Variants in LPIN3 observed in about 807,000 individuals in gnomAD.
LPIN3 encodes the protein lipin 3.
A neutral mutation model predicts 94.7 loss-of-function variants in LPIN3; 82 were observed. The ratio of observed to expected loss-of-function variants is 0.87; its 90% CI spans 0.72 to 1.04. The LOEUF is 1.04. Ranked by LOEUF, LPIN3 falls within the 50% of genes least tolerant of loss-of-function variation. The pLI is 0.00. For missense variants in LPIN3, 996 were observed against 1,090.5 expected (o/e 0.91, Z 1.22); for synonymous variants, 418 against 443.3 (o/e 0.94, Z 0.72).
chr20:41,358,669 G>A (rs2046303347), intron 19 of LPIN3, 53 bp from the exon 20 acceptor site: 1 of 1,607,366 alleles, frequency 6.2e-7, no homozygotes, highest in African/African-American at 1.3e-5. Context: ...CCATGGCCAA[G>A]GCCATCGTTT....
In LPIN3 at chr20:41,351,944, G is replaced by A. The variant is rs778389777; in HGVS notation, c.1202+24G>A. The A allele has an allele frequency of 6.2e-6, 10 of 1,613,702 alleles. No individual in the cohort carries two copies. The African/African-American group carries it at 9.3e-5, about 15-fold the overall frequency. On this transcript the variant is annotated intron_variant, in intron 8 of 19. Transcript: ENST00000373257. ...AGGTGCCTGGGTTCTGGATGCCAGG[G>A]TGTCTTGGGTCTGGGCTCCTGGGGC...
intron 3 of LPIN3, 43 bp from the exon 4 acceptor site, chr20:41,348,576 A>T (rs2045874074): frequency 6.4e-7 from 1 of 1,564,696 alleles, no homozygotes; most frequent in South Asian, 1.2e-5. Flanking sequence ...GCGCAGCCCC[A>T]CTAGGGTCAG....
At chr20:41,357,596 G>C in intron 16 of LPIN3, 149 bp downstream of exon 16, 1 of 750,498 alleles carries the variant, frequency 1.3e-6, no homozygotes, top group Non-Finnish European at 2.1e-6. Flanking sequence ...CTATTGGCCC[G>C]CAGTTCTGGG....
intron 1 of LPIN3, among the ~76,000 whole-genome samples, chr20:41,341,294 A>G (rs987594722): frequency 8.5e-5 from 13 of 152,260 alleles, no homozygotes; most frequent in South Asian, 4.1e-4. Flanking sequence ...CTTGAGGAGG[A>G]CAGCCACTTT....
At chr20:41,354,529 C>T in intron 11 of LPIN3, 116 bp from the exon 12 acceptor site, 2 of 965,848 alleles carry the variant, frequency 2.1e-6, no homozygotes, top group Non-Finnish European at 3.0e-6. Flanking sequence ...TTGACAGCAC[C>T]TTACCCTAGG....
rs1330144315 is a variant in LPIN3 at position 41,357,970 on chromosome 20, G to A, written c.2128G>A (p.Gly710Ser). Residue 710 changes from glycine (G) to serine (S), a missense_variant, in exon 17 of 20, where the codon GGC becomes AGC. Transcript: ENST00000373257. ...GTACCTGCAGTGGGTGAGCGAGGGG[G>A]GCTGTAGCCTCCCCAAGGGCCCCAT... ...KGYLQWVSEG[G>S]CSLPKGPILL... 1 of 1,613,334 alleles carries A rather than the reference G, an allele frequency of 6.2e-7. No individual in the cohort carries two copies. The highest frequency in any genetic ancestry group is 1.7e-5 in the Admixed American group (1 of 59,884).
chr20:41,340,867 G>T lies in LPIN3; in HGVS notation c.-144G>T, dbSNP rs367970340. ...GCACTAGGATCGTAGAAGGAGTGGA[G>T]CCGTGCTCTCACCCTGTCTTAGAGG... On this transcript the variant is annotated 5_prime_UTR_variant, in exon 1 of 20. Coordinates refer to ENST00000373257, the MANE Select transcript of LPIN3 (RefSeq NM_022896.3). The T allele has an allele frequency of 4.3e-3, 663 of 152,470 alleles. 1 individual carries two copies. Among genetic ancestry groups the T allele is most frequent in the Middle Eastern group, 0.017 (5 of 298 alleles). 9.4% of individuals were successfully genotyped at this position (152,470 alleles called of 1,614,324 possible).
At chr20:41,358,609 C>A (rs554342463) in intron 19 of LPIN3, 67 bp downstream of exon 19, 2 of 1,605,054 alleles carry the variant, frequency 1.2e-6, no homozygotes, top group Non-Finnish European at 1.7e-6. Context: ...TCTCCCTGGG[C>A]CCCAATTTTA....
Position 41,349,181 on chromosome 20 carries a change from C to G in LPIN3, c.638+9C>G, listed in dbSNP as rs772599892. ...TGGCCCCCCCAGGCCAGGTAAGAGT[C>G]CAGGTGGGCTGCAGGCCAGGACTCC... On this transcript the variant is annotated intron_variant, in intron 5 of 19. Coordinates refer to ENST00000373257, the MANE Select transcript of LPIN3 (RefSeq NM_022896.3). The G allele has an allele frequency of 2.5e-6, 4 of 1,612,986 alleles. No homozygotes were observed. In the Admixed American group the frequency reaches 6.7e-5, roughly 27 times the overall value.
chr20:41,356,109 C>A, intron 14 of LPIN3, 75 bp downstream of exon 14: 5 of 1,556,458 alleles, frequency 3.2e-6, no homozygotes, highest in Non-Finnish European at 3.5e-6. Flanking sequence ...CAGGACCTGG[C>A]TGAGAAATGG....
At chr20:41,358,155 C>A in intron 17 of LPIN3, 82 bp from the exon 18 acceptor site, 1 of 1,574,856 alleles carries the variant, frequency 6.3e-7, no homozygotes, top group Non-Finnish European at 8.7e-7. Context: ...GGGGTCAGAC[C>A]CCCCATCACC....
chr20:41,344,089 G>GAAAAA (rs2045684576), intron 1 of LPIN3, among the ~76,000 whole-genome samples: 1 of 151,924 alleles, frequency 6.6e-6, no homozygotes, highest in Non-Finnish European at 1.5e-5. Flanking sequence ...GAAAAGAAAA[G>GAAAAA]AAAAATATGC....
chr20:41,347,498 G>A (rs868324110), intron 2 of LPIN3, 54 bp from the exon 3 acceptor site: 1 of 1,566,978 alleles, frequency 6.4e-7, no homozygotes, highest in South Asian at 1.1e-5. Context: ...GAGGCCTGTG[G>A]TCGGAAGCAT....
intron 11 of LPIN3, 49 bp from the exon 12 acceptor site, chr20:41,354,591 GTAGGA>G: frequency 6.7e-7 from 1 of 1,495,024 alleles, no homozygotes; most frequent in South Asian, 1.3e-5. Context: ...ACAACGTAAG[GTAGGA>G]GGTTTATGTG....
rs150066356 is a variant in LPIN3, at chr20:41,357,929, C to T, written c.2087C>T (p.Ala696Val). 58 of 1,613,972 alleles carry T rather than the reference C, an allele frequency of 3.6e-5. No homozygotes were observed. The highest frequency in any genetic ancestry group is 4.4e-5 in the South Asian group (4 of 91,092). Residue 696 changes from alanine (A) to valine (V), a missense_variant, in exon 17 of 20, where the codon GCG (alanine) becomes GTG (valine). Coordinates refer to ENST00000373257, the MANE Select transcript of LPIN3 (RefSeq NM_022896.3). ...TGCTCGGCGCGGGCCATTGGCATGG[C>T]GGACCTCACCAAGGGGTACCTGCAG... ...LYCSARAIGM[A>V]DLTKGYLQWV... is the part of the protein sequence containing the mutation.
At chr20:41,357,228 T>C in intron 15 of LPIN3, 40 bp downstream of exon 15, 1 of 1,611,428 alleles carries the variant, frequency 6.2e-7, no homozygotes, top group Non-Finnish European at 8.5e-7. Context: ...GGGAGAGGGG[T>C]TGTGGACTCG....
Position 41,350,118 on chromosome 20 carries a change from C to A in LPIN3, c.823C>A (p.Pro275Thr), listed in dbSNP as rs760073894. 1 of 1,611,914 alleles carries A rather than the reference C, an allele frequency of 6.2e-7. No individual in the cohort carries two copies. The highest frequency in any genetic ancestry group is 8.5e-7 in the Non-Finnish European group (1 of 1,179,162). The change falls in exon 7 of 20, where the codon CCT (proline) becomes ACT (threonine). Residue 275 changes from proline (P) to threonine (T), a missense_variant. Transcript: ENST00000373257. ...VLEGRAGATS[P>T]PRGGPSTPST... The stretch of plus-strand genomic sequence containing the variant: ...TGAAGGCAGAGCTGGGGCAACCTCT[C>A]CTCCTCGGGGAGGACCCAGCACTCC...
intron 11 of LPIN3, 77 bp from the exon 12 acceptor site, chr20:41,354,566 TGG>T (rs2046139514): frequency 2.1e-6 from 3 of 1,398,722 alleles, no homozygotes; most frequent in South Asian, 2.9e-5. Flanking sequence ...GGCTCATGCG[TGG>T]AGGGTCCCAA....
In LPIN3 at chr20:41,357,142, T is replaced by G. The variant is rs1292631982; in HGVS notation, c.1906T>G (p.Trp636Gly). The G allele has an allele frequency of 1.2e-6, 2 of 1,614,000 alleles. No homozygotes were observed. The highest frequency in any genetic ancestry group is 2.7e-5 in the African/African-American group (2 of 74,904). ...CAAGGCCACCATCTACCTGTGGAAATGGGACGACAAGGTGGTCATCTCTGA... is the reference window on the plus strand; with the variant it reads ...CAAGGCCACCATCTACCTGTGGAAAGGGGACGACAAGGTGGTCATCTCTGA... ...RCKATIYLWKWDDKVVISDID... is the reference protein window; with the variant it reads ...RCKATIYLWKGDDKVVISDID... Residue 636 changes from tryptophan (W) to glycine (G), a missense_variant, in exon 15 of 20, where the codon TGG (tryptophan) becomes GGG (glycine). Transcript: ENST00000373257.
Sources: gnomAD v4.1 joint callset for allele counts (sites outside exome capture counted in the v4.1 genomes callset) on GRCh38, gnomAD v4.1.1 for gene constraint, MANE v1.5 for transcripts, NCBI Gene and HGNC (gene_info 2026-07-23, HGNC 2026-07-21) for gene names.